The following MMP26 variants were observed in gnomAD, a reference collection of about 807,000 sequenced individuals.
The protein encoded by MMP26 is matrix metallopeptidase 26, also known as matrix metalloproteinase-26.
A neutral mutation model predicts 31.0 loss-of-function variants in MMP26; 33 were observed. The observed-to-expected ratio is 1.06, with a 90% confidence interval of 0.81 to 1.42. The LOEUF (loss-of-function observed/expected upper bound fraction) is 1.42, where lower values mean the gene tolerates loss of function less well. Ranked by LOEUF, MMP26 falls within the 40% of genes most tolerant of loss-of-function variation. The pLI, the probability that MMP26 is intolerant of heterozygous loss-of-function variation, is 0.00. For synonymous variants in MMP26, 122 were observed against 114.9 expected (o/e 1.06, Z -0.40); for missense variants, 347 against 316.1 (o/e 1.10, Z -0.74).
chr11:4,769,602 GA>G lies in MMP26; in HGVS notation c.-145+2267del, dbSNP rs779483926. 3.7e-6 allele frequency: 6 copies of G among 1,613,134 alleles called. No homozygotes were observed. In the South Asian group the frequency reaches 4.4e-5, roughly 12 times the overall value. On this transcript the variant is annotated intron_variant, in intron 2 of 7. Coordinates refer to ENST00000380390, the MANE Select transcript of MMP26 (RefSeq NM_021801.5). ...GATTCCATAAAAGTGAATCCATGAA[GA>G]AAAAACATCTGGACAATGCAGCTAT...
At chr11:4,886,010 T>A (rs534571352) in intron 2 of MMP26, among the ~76,000 whole-genome samples, 1 of 152,216 alleles carries the variant, frequency 6.6e-6, no homozygotes, top group African/African-American at 2.4e-5. Flanking sequence ...CAACACAGGG[T>A]TTAGCAAACA....
intron 2 of MMP26, among the ~76,000 whole-genome samples, chr11:4,861,803 G>A (rs1361977532): frequency 6.6e-6 from 1 of 152,018 alleles, no homozygotes; most frequent in Non-Finnish European, 1.5e-5. Context: ...TTGGCAGTTA[G>A]AATAGACTTT....
intron 2 of MMP26, chr11:4,871,887 C>T (rs889177931): frequency 6.6e-6 from 1 of 151,994 alleles, no homozygotes; most frequent in Non-Finnish European, 1.5e-5. Context: ...CGTGTTGAGC[C>T]CAGTTCACCC....
At chr11:4,740,910 G>A (rs947318636) in intron 1 of MMP26, among the ~76,000 whole-genome samples, 1 of 152,062 alleles carries the variant, frequency 6.6e-6, no homozygotes, top group African/African-American at 2.4e-5. Flanking sequence ...TATTGGTCTT[G>A]TTCTTGCCAA....
chr11:4,933,408 T>C (rs775836395), intron 2 of MMP26, among the ~76,000 whole-genome samples: 6 of 152,070 alleles, frequency 3.9e-5, no homozygotes, highest in Non-Finnish European at 7.4e-5. Flanking sequence ...ACAGGTTATA[T>C]ATGCAAAAAC....
rs71050433 is a variant in MMP26 at position 4,819,566 on chromosome 11, A to ATTTTTTTTTTTTTT, written c.-145+52242_-145+52255dup. On this transcript the variant is annotated intron_variant, in intron 2 of 7. Transcript: ENST00000380390. ...GATGGTCACTGAAATGAGTCGACTG[A>ATTTTTTTTTTTTTT]TTTTTTTTTTTTTTTTTTTTTTTTT... is the stretch of plus-strand genomic sequence containing the variant. Among the ~76,000 whole-genome samples the ATTTTTTTTTTTTTT allele has an allele frequency of 9.1e-4, 46 of 50,302 alleles. 6 individuals are homozygous for ATTTTTTTTTTTTTT. Among genetic ancestry groups the ATTTTTTTTTTTTTT allele is most frequent in the African/African-American group, 2.1e-3 (24 of 11,400 alleles). The allele number at this position is 50,302 out of a possible 152,430, so 33.0% of individuals were successfully genotyped here. A position where few individuals can be genotyped will look rare whatever the true frequency, so the allele number is the denominator to read the frequency against.
chr11:4,904,321 G>A (rs556178628), intron 2 of MMP26, among the ~76,000 whole-genome samples: 13 of 152,178 alleles, frequency 8.5e-5, no homozygotes, highest in Admixed American at 2.6e-4. Flanking sequence ...GTGTTTGTGC[G>A]TTAGCTTGAG....
At chr11:4,743,268 A>T (rs1848338151) in intron 1 of MMP26, among the ~76,000 whole-genome samples, 2 of 151,862 alleles carry the variant, frequency 1.3e-5, no homozygotes, top group Admixed American at 1.3e-4. Context: ...TGATAGGCTT[A>T]TTTTTCTCTT....
intron 2 of MMP26, among the ~76,000 whole-genome samples, chr11:4,919,565 TACCAGCC>T (rs1247377072): frequency 6.6e-6 from 1 of 152,160 alleles, no homozygotes; most frequent in East Asian, 1.9e-4. Flanking sequence ...GGATGCCATG[TACCAGCC>T]ACTGGTGAAG....
intron 1 of MMP26, among the ~76,000 whole-genome samples, chr11:4,716,922 A>T (rs1226137146): frequency 6.6e-6 from 1 of 151,946 alleles, no homozygotes; most frequent in Non-Finnish European, 1.5e-5. Context: ...TCGGCCTCCC[A>T]AAGTGCTGGG....
At chr11:4,798,333 C>T (rs1011691159) in intron 2 of MMP26, among the ~76,000 whole-genome samples, 4 of 152,202 alleles carry the variant, frequency 2.6e-5, no homozygotes, top group African/African-American at 2.4e-5. Context: ...CAAGACTAAA[C>T]TTCAAAATTT....
intron 2 of MMP26, chr11:4,821,795 T>C: frequency 6.2e-7 from 1 of 1,613,394 alleles, no homozygotes; most frequent in Non-Finnish European, 8.5e-7. Context: ...TTTGATCGTT[T>C]TGTGGCCATC....
chr11:4,989,005 G>T (rs1184681449), intron 3 of MMP26, among the ~76,000 whole-genome samples: 1 of 152,178 alleles, frequency 6.6e-6, no homozygotes, highest in East Asian at 1.9e-4. Flanking sequence ...TGGAATAATA[G>T]ATCAAGCTGT....
intron 2 of MMP26, among the ~76,000 whole-genome samples, chr11:4,872,244 T>C (rs1432776904): frequency 6.6e-6 from 1 of 152,132 alleles, no homozygotes; most frequent in Non-Finnish European, 1.5e-5. Flanking sequence ...ATTATTCCTT[T>C]TATTGTCTAT....
At chr11:4,978,484 C>T (rs1441301689) in intron 2 of MMP26, among the ~76,000 whole-genome samples, 1 of 152,008 alleles carries the variant, frequency 6.6e-6, no homozygotes, top group Non-Finnish European at 1.5e-5. Context: ...AATATTTTTA[C>T]CTCTAGAATC....
At position 4,992,270 on chromosome 11, in the gene MMP26, G is replaced by A. The variant is rs760191538; in HGVS notation, c.*28G>A. 10 of 1,601,374 alleles carry A rather than the reference G, an allele frequency of 6.2e-6. No homozygotes were observed. The South Asian group carries it at 8.9e-5, about 14-fold the overall frequency. ...TTAGCACAGAGGACTTATTCAACCT[G>A]TCCTTTCAGGGAGTTTATTGGAGGA... On this transcript the variant is annotated 3_prime_UTR_variant, in exon 8 of 8. Transcript: ENST00000380390.
At chr11:4,923,921 G>A (rs1471633002) in intron 2 of MMP26, 1 of 1,614,134 alleles carries the variant, frequency 6.2e-7, no homozygotes, top group South Asian at 1.1e-5. Flanking sequence ...AATACATGCA[G>A]GTGTCAGGAC....
rs1205531612 is a variant in MMP26 at position 4,859,687 on chromosome 11, A to G, written c.-145+92346A>G. On this transcript the variant is annotated intron_variant, in intron 2 of 7. Coordinates refer to ENST00000380390, the MANE Select transcript of MMP26 (RefSeq NM_021801.5). ...TTGCTTGGTCTTCACACTGTAGACA[A>G]TGGGGTTTAGCACAGGCGGGAGCAG... The G allele has an allele frequency of 6.4e-6, 3 of 470,922 alleles. No homozygotes were observed. The East Asian group carries it at 2.1e-4, about 33-fold the overall frequency. The allele number at this position is 470,922 out of a possible 1,614,324, so 29.2% of individuals were successfully genotyped here.
At chr11:4,821,388 G>A in intron 2 of MMP26, 4 of 1,611,060 alleles carry the variant, frequency 2.5e-6, no homozygotes, top group Non-Finnish European at 3.4e-6. Context: ...TATGTTAAAT[G>A]ACTGAAACAT....
Sources: gnomAD v4.1 joint callset for allele counts (sites outside exome capture counted in the v4.1 genomes callset) on GRCh38, gnomAD v4.1.1 for gene constraint, MANE v1.5 for transcripts, NCBI Gene and HGNC (gene_info 2026-07-23, HGNC 2026-07-21) for gene names.